The following FMN2 variants were observed in gnomAD, a reference collection of about 807,000 sequenced individuals.
The protein encoded by FMN2 is formin 2, also known as formin-2.
In FMN2, 51 loss-of-function variants were observed where a neutral mutation model predicts 142.3. That is an observed-to-expected ratio of 0.36 (90% CI 0.29 to 0.45). The LOEUF is 0.45. Ranked by LOEUF, FMN2 falls within the 20% of genes least tolerant of loss-of-function variation. The pLI is 1.00. For missense variants in FMN2, 1,936 were observed against 2,122.8 expected (o/e 0.91, Z 1.73); for synonymous variants, 882 against 869.8 (o/e 1.01, Z -0.25).
At chr1:240,439,968 GAA>G (rs1043269989) in intron 16 of FMN2, among the ~76,000 whole-genome samples, 1 of 152,122 alleles carries the variant, frequency 6.6e-6, no homozygotes, top group African/African-American at 2.4e-5. Flanking sequence ...GGTTCAAAAT[GAA>G]AAGAGTCGTG....
intron 2 of FMN2, among the ~76,000 whole-genome samples, chr1:240,139,891 G>A (rs1198248340): frequency 6.6e-6 from 1 of 152,184 alleles, no homozygotes; most frequent in Non-Finnish European, 1.5e-5. Flanking sequence ...GGTTTAAAGA[G>A]TAGGCTACAA....
intron 11 of FMN2, among the ~76,000 whole-genome samples, chr1:240,331,485 AAGT>A (rs1173993947): frequency 6.6e-6 from 1 of 152,194 alleles, no homozygotes; most frequent in Non-Finnish European, 1.5e-5. Context: ...TCACACAAAA[AAGT>A]AGGATAAAGG....
intron 14 of FMN2, among the ~76,000 whole-genome samples, chr1:240,378,929 A>G (rs1385221306): frequency 6.6e-6 from 1 of 152,140 alleles, no homozygotes; most frequent in Admixed American, 6.5e-5. Flanking sequence ...ATCTCCTGTC[A>G]TTCCTGGGTC....
chr1:240,219,664 T>C (rs1667033320), intron 6 of FMN2, among the ~76,000 whole-genome samples: 1 of 151,418 alleles, frequency 6.6e-6, no homozygotes, highest in Non-Finnish European at 1.5e-5. Flanking sequence ...TTTGTATTTA[T>C]TTTTTTTTGA....
chr1:240,120,723 A>G (rs1168984906), intron 1 of FMN2, among the ~76,000 whole-genome samples: 1 of 152,212 alleles, frequency 6.6e-6, no homozygotes, highest in Non-Finnish European at 1.5e-5. Flanking sequence ...ACTTTTCTGG[A>G]TAACAGTTGA....
At chr1:240,474,016 G>C in intron 17 of FMN2, 112 bp from the exon 18 acceptor site, 1 of 903,908 alleles carries the variant, frequency 1.1e-6, no homozygotes, top group Non-Finnish European at 1.6e-6. Context: ...CTTTAACCTT[G>C]TCCCACAGAA....
chr1:240,437,910 T>C (rs1056789504), intron 15 of FMN2, 151 bp from the exon 16 acceptor site: 4 of 918,818 alleles, frequency 4.4e-6, no homozygotes, highest in Non-Finnish European at 6.5e-6. Flanking sequence ...CCTTAAACCA[T>C]AAGAGAGCTA....
At chr1:240,380,352 T>A (rs751352925) in intron 14 of FMN2, among the ~76,000 whole-genome samples, 11 of 152,064 alleles carry the variant, frequency 7.2e-5, no homozygotes, top group African/African-American at 1.7e-4. Context: ...TACACAAGCA[T>A]GTGGAAATTC....
chr1:240,296,411 CT>C (rs1669983699), intron 8 of FMN2, among the ~76,000 whole-genome samples: 1 of 100,122 alleles, frequency 1.0e-5, no homozygotes, highest in Non-Finnish European at 2.0e-5. Flanking sequence ...CAGTGTGGTC[CT>C]ATTTTGGGTC....
chr1:240,229,411 A>C (rs544960538), intron 6 of FMN2, among the ~76,000 whole-genome samples: 2 of 152,030 alleles, frequency 1.3e-5, no homozygotes, highest in African/African-American at 4.8e-5. Flanking sequence ...TTCTCTTGGT[A>C]ATCAACATAC....
chr1:240,324,511 G>A (rs1671087989), intron 8 of FMN2, among the ~76,000 whole-genome samples: 1 of 151,940 alleles, frequency 6.6e-6, no homozygotes, highest in African/African-American at 2.4e-5. Flanking sequence ...AAATTACCTG[G>A]GCATGCATGG....
Position 240,092,954 on chromosome 1 carries a change from G to A in FMN2, c.845G>A (p.Ser282Asn). The change falls in exon 1 of 18, where the codon AGC (serine) becomes AAC (asparagine). Residue 282 changes from serine (S) to asparagine (N), a missense_variant. By Grantham distance (46) the Ser-to-Asn change is conservative. Transcript: ENST00000319653. ...TCCGCGCTCTCCGACCTGCCCGAGA[G>A]CCTGGCCGCCGAGCCCCGGGAGCCC... ...ALSALSDLPE[S>N]LAAEPREPQQ... 1 of 1,419,956 alleles carries A rather than the reference G, an allele frequency of 7.0e-7. No individual in the cohort carries two copies. Among genetic ancestry groups the A allele is most frequent in the Non-Finnish European group, 9.1e-7 (1 of 1,095,138 alleles). The allele number at this position is 1,419,956 out of a possible 1,614,324, so 88.0% of individuals were successfully genotyped here. A position where few individuals can be genotyped will look rare whatever the true frequency, so the allele number is the denominator to read the frequency against.
intron 4 of FMN2, among the ~76,000 whole-genome samples, chr1:240,191,268 G>A (rs752369786): frequency 6.6e-6 from 1 of 152,208 alleles, no homozygotes; most frequent in Non-Finnish European, 1.5e-5. Context: ...ATAATTCTGA[G>A]AGTGCGATAT....
chr1:240,470,527 A>G (rs902321208), intron 16 of FMN2, among the ~76,000 whole-genome samples: 4 of 152,168 alleles, frequency 2.6e-5, no homozygotes, highest in African/African-American at 7.2e-5. Context: ...TATAACATCA[A>G]TCTTATAGCT....
intron 1 of FMN2, among the ~76,000 whole-genome samples, chr1:240,103,166 A>G (rs979044629): frequency 6.6e-6 from 1 of 152,182 alleles, no homozygotes; most frequent in Non-Finnish European, 1.5e-5. Flanking sequence ...GCTCCTGGCC[A>G]ATGCCTTTAA....
chr1:240,206,630 A>C (rs1666361267), intron 4 of FMN2, among the ~76,000 whole-genome samples, 169 bp from the exon 5 acceptor site: 1 of 152,206 alleles, frequency 6.6e-6, no homozygotes. Flanking sequence ...AACCACTTTG[A>C]AATCTCAGGG....
chr1:240,367,641 T>A (rs909502343), intron 14 of FMN2, among the ~76,000 whole-genome samples: 2 of 151,524 alleles, frequency 1.3e-5, no homozygotes, highest in South Asian at 2.1e-4. Context: ...GGTGGTGGGC[T>A]CCTGTAGTCC....
intron 7 of FMN2, among the ~76,000 whole-genome samples, chr1:240,279,857 C>A (rs2102936327): frequency 6.6e-6 from 1 of 152,092 alleles, no homozygotes; most frequent in East Asian, 1.9e-4. Context: ...ACACAAAAAC[C>A]AGTGTATCAT....
intron 2 of FMN2, among the ~76,000 whole-genome samples, chr1:240,151,714 T>C (rs1663784161): frequency 6.6e-6 from 1 of 152,062 alleles, no homozygotes; most frequent in Admixed American, 6.6e-5. Context: ...TAAGTCTACC[T>C]CTGAAGGAGC....
Sources: gnomAD v4.1 joint callset for allele counts (sites outside exome capture counted in the v4.1 genomes callset) on GRCh38, gnomAD v4.1.1 for gene constraint, MANE v1.5 for transcripts, NCBI Gene and HGNC (gene_info 2026-07-23, HGNC 2026-07-21) for gene names.